GRK5: variants seen among roughly 807,000 people sequenced by gnomAD.
GRK5 encodes the protein g protein-coupled receptor kinase GRK5.
GRK5 carries 40 observed loss-of-function variants against 78.4 expected under a neutral mutation model. The observed-to-expected ratio is 0.51, with a 90% CI of 0.40 to 0.66. The LOEUF (loss-of-function observed/expected upper bound fraction) is 0.66. Among genes scored for constraint, GRK5 ranks in the 30% least tolerant of loss-of-function variants. The pLI, the probability that GRK5 is intolerant of heterozygous loss-of-function variation, is 0.00. For synonymous variants in GRK5, 289 were observed against 296.8 expected, an observed-to-expected ratio of 0.97 and a Z score of 0.27; for missense variants, 598 against 759.9, an observed-to-expected ratio of 0.79 and a Z score of 2.50.
intron 1 of GRK5, among the ~76,000 whole-genome samples, chr10:119,308,455 G>C (rs749607409): frequency 6.6e-6 from 1 of 152,212 alleles, no homozygotes. Context: ...TGGGCCAGGC[G>C]TGTGCCCCCT....
intron 13 of GRK5, among the ~76,000 whole-genome samples, chr10:119,449,128 C>T (rs1444448606): frequency 6.6e-6 from 1 of 152,238 alleles, no homozygotes; most frequent in East Asian, 1.9e-4. Flanking sequence ...CCAGAGAGCT[C>T]ATGTGCACCT....
chr10:119,249,135 G>T (rs573818356), intron 1 of GRK5, among the ~76,000 whole-genome samples: 1 of 152,128 alleles, frequency 6.6e-6, no homozygotes, highest in Non-Finnish European at 1.5e-5. Context: ...GCCGGGCATG[G>T]TGGCGGGTGC....
At chr10:119,208,826 A>G (rs1848432846) in intron 1 of GRK5, among the ~76,000 whole-genome samples, 1 of 152,156 alleles carries the variant, frequency 6.6e-6, no homozygotes, top group African/African-American at 2.4e-5. Context: ...GGAGGCAGAA[A>G]CTTGGGTGCT....
chr10:119,320,823 C>T (rs1850571669), intron 1 of GRK5, among the ~76,000 whole-genome samples: 1 of 152,204 alleles, frequency 6.6e-6, no homozygotes. Context: ...CTGCTGGGAC[C>T]TGAGCACGGG....
chr10:119,213,420 A>C (rs1274950354), intron 1 of GRK5, among the ~76,000 whole-genome samples: 1 of 152,194 alleles, frequency 6.6e-6, no homozygotes, highest in Non-Finnish European at 1.5e-5. Context: ...CTGAGGCAGG[A>C]GAATCACTTG....
In GRK5 at chr10:119,436,839, C is replaced by A. The variant is rs1852930217; in HGVS notation, c.927C>A (p.Tyr309Ter). 6.3e-7 allele frequency: 1 copy of A among 1,594,574 alleles called. No individual in the cohort carries two copies. The highest frequency in any genetic ancestry group is 8.6e-7 in the Non-Finnish European group (1 of 1,168,062). Reference protein sequence around the residue: ...LEDLHRENTVYRDLKPENILL... With the variant: ...LEDLHRENTV ...ACCTCCACCGTGAGAACACCGTCTA[C>A]CGGTGAGTGGAAGGCACCAAGGACT... The change falls in exon 9 of 16, where the codon TAC (tyrosine) becomes TAA (stop). Residue 309 changes from tyrosine (Y) to a stop codon, truncating the protein, a stop_gained and splice_region_variant. Coordinates refer to ENST00000392870, the MANE Select transcript of GRK5 (RefSeq NM_005308.3). LOFTEE classifies it high-confidence loss of function.
chr10:119,360,469 CTG>C (rs566146016), intron 2 of GRK5, among the ~76,000 whole-genome samples: 123 of 148,714 alleles, frequency 8.3e-4, no homozygotes, highest in African/African-American at 2.8e-3. Flanking sequence ...TGGGAGGAGT[CTG>C]TGTGAGTGGG....
chr10:119,308,590 GT>G (rs1046318871), intron 1 of GRK5, among the ~76,000 whole-genome samples: 5 of 152,236 alleles, frequency 3.3e-5, no homozygotes, highest in African/African-American at 1.2e-4. Context: ...GGAGGCGTGT[GT>G]TTTTCTTCCC....
At chr10:119,329,824 CT>C in intron 2 of GRK5, among the ~76,000 whole-genome samples, 1 of 149,696 alleles carries the variant, frequency 6.7e-6, no homozygotes, top group East Asian at 2.0e-4. Flanking sequence ...CCCGTTTCTG[CT>C]ATGGTTCACA....
intron 1 of GRK5, among the ~76,000 whole-genome samples, chr10:119,305,456 T>C (rs1850258676): frequency 6.6e-6 from 1 of 152,242 alleles, no homozygotes; most frequent in South Asian, 2.1e-4. Context: ...GGACGTGGTC[T>C]CTGTCCTCTT....
intron 9 of GRK5, among the ~76,000 whole-genome samples, chr10:119,437,446 T>C (rs1303393286): frequency 1.3e-5 from 2 of 152,232 alleles, no homozygotes; most frequent in Non-Finnish European, 2.9e-5. Flanking sequence ...TTGAAAAATC[T>C]CTGTGATGCT....
chr10:119,249,880 C>T (rs1392969165), intron 1 of GRK5, among the ~76,000 whole-genome samples: 1 of 152,180 alleles, frequency 6.6e-6, no homozygotes, highest in Admixed American at 6.6e-5. Context: ...TCTTTGTGCA[C>T]GTGTGCAAGG....
chr10:119,456,477 C>T lies in GRK5; in HGVS notation c.*1410C>T, dbSNP rs534921887. The T allele has an allele frequency of 8.5e-5, 13 of 152,298 alleles. No individual in the cohort carries two copies. Among genetic ancestry groups the T allele is most frequent in the Non-Finnish European group, 1.8e-4 (12 of 68,100 alleles). The allele number at this position is 152,298 out of a possible 1,614,324, so 9.4% of individuals were successfully genotyped here. A position where few individuals can be genotyped will look rare whatever the true frequency, so the allele number is the denominator to read the frequency against. On this transcript the variant is annotated 3_prime_UTR_variant, in exon 16 of 16. Coordinates refer to ENST00000392870, the MANE Select transcript of GRK5 (RefSeq NM_005308.3). The surrounding 1 kb of genome is among the most constrained non-coding windows in gnomAD (Gnocchi z 5.5). ...AGCAGCTGGCCACCTCCTCCTGCCT[C>T]GAAGAAGTGACCAGGGGCCAATCTG...
chr10:119,263,034 G>A (rs1849437719), intron 1 of GRK5, among the ~76,000 whole-genome samples: 1 of 151,948 alleles, frequency 6.6e-6, no homozygotes, highest in South Asian at 2.1e-4. Context: ...TTGAGACGGA[G>A]TCTTGCTCTG....
intron 1 of GRK5, among the ~76,000 whole-genome samples, chr10:119,318,948 A>G (rs1850537238): frequency 6.6e-6 from 1 of 151,940 alleles, no homozygotes; most frequent in Non-Finnish European, 1.5e-5. Flanking sequence ...TAGCCACAGG[A>G]GCAAAAGAAA....
chr10:119,393,251 C>T (rs1244629597), intron 3 of GRK5, among the ~76,000 whole-genome samples: 1 of 152,260 alleles, frequency 6.6e-6, no homozygotes, highest in African/African-American at 2.4e-5. Flanking sequence ...TTGAGAAAGG[C>T]CTTTTGATCC....
chr10:119,245,912 C>T (rs1377830724), intron 1 of GRK5, among the ~76,000 whole-genome samples: 4 of 144,962 alleles, frequency 2.8e-5, no homozygotes, highest in African/African-American at 7.6e-5. Context: ...CCCAGCTACT[C>T]GGGAGGCTGA....
At chr10:119,443,027 G>A (rs1325245166) in intron 11 of GRK5, among the ~76,000 whole-genome samples, 1 of 152,198 alleles carries the variant, frequency 6.6e-6, no homozygotes, top group African/African-American at 2.4e-5. Context: ...GCTCTTGTGT[G>A]CAAACCAGCA....
intron 3 of GRK5, among the ~76,000 whole-genome samples, chr10:119,383,061 A>T (rs1190266349): frequency 6.6e-6 from 1 of 151,970 alleles, no homozygotes; most frequent in Non-Finnish European, 1.5e-5. Flanking sequence ...AGCTGGGCCT[A>T]CAGGCGCCCG....
Sources: gnomAD v4.1 joint callset for allele counts (sites outside exome capture counted in the v4.1 genomes callset) on GRCh38, gnomAD v4.1.1 for gene constraint, Gnocchi (gnomAD v3.1) non-coding constraint, MANE v1.5 for transcripts, NCBI Gene and HGNC (gene_info 2026-07-23, HGNC 2026-07-21) for gene names.